GPHN: variants seen among roughly 807,000 people sequenced by gnomAD.
The protein encoded by GPHN is gephyrin.
A neutral mutation model predicts 95.5 loss-of-function variants in GPHN; 17 were observed. The observed-to-expected ratio is 0.18, with a 90% CI of 0.12 to 0.27. The LOEUF (loss-of-function observed/expected upper bound fraction) is 0.27. Among genes scored for constraint, GPHN ranks in the 10% least tolerant of loss-of-function variants. The pLI is 1.00. For missense variants in GPHN, 660 were observed against 978.1 expected (o/e 0.67, Z 4.34); for synonymous variants, 320 against 322.5 (o/e 0.99, Z 0.08).
chr14:67,339,421 A>G, the GPHN span, among the ~76,000 whole-genome samples: 1 of 152,104 alleles, frequency 6.6e-6, no homozygotes, highest in African/African-American at 2.4e-5. Context: ...ACAGAAACTA[A>G]CCTTTGATAA....
the GPHN span, among the ~76,000 whole-genome samples, chr14:67,435,370 T>G: frequency 3.3e-5 from 5 of 152,078 alleles, no homozygotes; most frequent in South Asian, 1.0e-3. Flanking sequence ...AGGGCAGAGC[T>G]CTCATGATCC....
At chr14:66,632,365 A>G (rs892345346) in intron 1 of GPHN, among the ~76,000 whole-genome samples, 8 of 152,036 alleles carry the variant, frequency 5.3e-5, no homozygotes, top group African/African-American at 1.9e-4. Flanking sequence ...ATGTTCACAT[A>G]TATTTGATTT....
chr14:67,221,832 T>C, the GPHN span: 8 of 1,611,244 alleles, frequency 5.0e-6, no homozygotes, highest in South Asian at 7.8e-5. Flanking sequence ...CCACTACATG[T>C]TTTATTGTGA....
intron 10 of GPHN, among the ~76,000 whole-genome samples, chr14:67,042,453 C>T (rs912849877): frequency 2.0e-5 from 3 of 152,132 alleles, no homozygotes; most frequent in African/African-American, 7.2e-5. Context: ...ATAGGGCTAA[C>T]CAGTTTTCTC....
chr14:67,382,447 A>G, the GPHN span: 1 of 1,611,016 alleles, frequency 6.2e-7, no homozygotes. Flanking sequence ...TCTCTTTTAG[A>G]TTAATCTAAT....
At chr14:67,607,455 C>T in the GPHN span, among the ~76,000 whole-genome samples, 1 of 152,084 alleles carries the variant, frequency 6.6e-6, no homozygotes, top group South Asian at 2.1e-4. Flanking sequence ...CAACCTCTGC[C>T]TCCCAGGTTC....
the GPHN span, among the ~76,000 whole-genome samples, chr14:67,595,448 G>A: frequency 6.6e-6 from 1 of 152,180 alleles, no homozygotes; most frequent in Non-Finnish European, 1.5e-5. Flanking sequence ...ATTATAAAGT[G>A]CTTAGCACAG....
chr14:67,570,177 A>G, the GPHN span: 1 of 261,576 alleles, frequency 3.8e-6, no homozygotes, highest in Non-Finnish European at 5.9e-6. Flanking sequence ...TTATTAGGTT[A>G]TTATAAAAAT....
At chr14:67,561,188 T>G in the GPHN span, among the ~76,000 whole-genome samples, 4 of 152,204 alleles carry the variant, frequency 2.6e-5, no homozygotes, top group African/African-American at 9.7e-5. Context: ...CTGGCTTACC[T>G]GCGTATTCTC....
chr14:67,276,264 G>A, the GPHN span, among the ~76,000 whole-genome samples: 12 of 151,984 alleles, frequency 7.9e-5, no homozygotes, highest in Admixed American at 4.6e-4. Context: ...CATTATTCAT[G>A]TACAGCATGT....
chr14:66,829,892 T>C (rs2061521612), intron 4 of GPHN, among the ~76,000 whole-genome samples: 1 of 152,278 alleles, frequency 6.6e-6, no homozygotes, highest in South Asian at 2.1e-4. Flanking sequence ...GTCACCTTTT[T>C]TTTGCATGTC....
At chr14:67,367,354 C>T in the GPHN span, among the ~76,000 whole-genome samples, 2 of 152,156 alleles carry the variant, frequency 1.3e-5, no homozygotes, top group Non-Finnish European at 1.5e-5. Context: ...TCTCAGCCTC[C>T]AGAGTAGCTG....
intron 3 of GPHN, among the ~76,000 whole-genome samples, chr14:66,811,627 C>T (rs2060770021): frequency 6.6e-6 from 1 of 151,378 alleles, no homozygotes; most frequent in Admixed American, 6.6e-5. Flanking sequence ...ATTTCTAGAA[C>T]CTAGTTTACA....
At chr14:66,871,366 A>T (rs542201082) in intron 4 of GPHN, among the ~76,000 whole-genome samples, 1 of 152,360 alleles carries the variant, frequency 6.6e-6, no homozygotes, top group East Asian at 1.9e-4. Flanking sequence ...CCCCGAATTC[A>T]TGAAATGTCA....
At chr14:66,876,107 G>A (rs148799052) in intron 4 of GPHN, among the ~76,000 whole-genome samples, 166 of 152,128 alleles carry the variant, frequency 1.1e-3, no homozygotes, top group Non-Finnish European at 1.1e-3. Context: ...ACCCAAAACC[G>A]CACAATTATA....
At chr14:67,106,144 T>C (rs960079468) in intron 13 of GPHN, among the ~76,000 whole-genome samples, 10 of 152,192 alleles carry the variant, frequency 6.6e-5, no homozygotes, top group African/African-American at 2.4e-4. Context: ...TTCTCCCTCA[T>C]TTCCAAAGGA....
At chr14:66,592,288 C>T (rs4418488) in intron 1 of GPHN, among the ~76,000 whole-genome samples, 1 of 151,960 alleles carries the variant, frequency 6.6e-6, no homozygotes, top group Non-Finnish European at 1.5e-5. Context: ...GCAGCAAAAG[C>T]CAAAATTGAT....
chr14:66,657,207 G>A (rs2065356139), intron 1 of GPHN, among the ~76,000 whole-genome samples: 2 of 152,334 alleles, frequency 1.3e-5, no homozygotes, highest in Middle Eastern at 3.4e-3. Flanking sequence ...CTAATCCAGG[G>A]CAAGGCCCGA....
chr14:66,777,668 T>C (rs977182819), intron 3 of GPHN, among the ~76,000 whole-genome samples: 112 of 152,148 alleles, frequency 7.4e-4, no homozygotes, highest in African/African-American at 2.6e-3. Context: ...GCTGGTTCAA[T>C]TTACGCAAAT....
Sources: gnomAD v4.1 joint callset for allele counts (sites outside exome capture counted in the v4.1 genomes callset) on GRCh38, gnomAD v4.1.1 for gene constraint, MANE v1.5 for transcripts, NCBI Gene and HGNC (gene_info 2026-07-23, HGNC 2026-07-21) for gene names.